The following CLCA2 variants were observed in gnomAD, a reference collection of about 807,000 sequenced individuals.
The protein encoded by CLCA2 is chloride channel accessory 2.
In CLCA2, 85 loss-of-function variants were observed where a neutral mutation model predicts 82.9. That is an observed-to-expected ratio of 1.03 (90% CI 0.86 to 1.23). The LOEUF (loss-of-function observed/expected upper bound fraction) is 1.23, where lower values mean the gene tolerates loss of function less well. Ranked by LOEUF, CLCA2 falls within the 50% of genes most tolerant of loss-of-function variation. The probability of loss-of-function intolerance (pLI) is 0.00; values close to 1 mark genes in which losing one functional copy is unlikely to be tolerated. For synonymous variants in CLCA2, 421 were observed against 391.7 expected (o/e 1.07, Z -0.88); for missense variants, 1,089 against 1,124.8 (o/e 0.97, Z 0.45).
chr1:86,428,384 G>C (rs1345946011), intron 2 of CLCA2, 34 bp from the exon 3 acceptor site: 1 of 1,560,244 alleles, frequency 6.4e-7, no homozygotes, highest in African/African-American at 1.4e-5. Context: ...CAACAGAGCT[G>C]AGAAAGTATT....
At chr1:86,425,311 A>C (rs758809611) in intron 1 of CLCA2, 28 bp from the exon 2 acceptor site, 1 of 1,511,346 alleles carries the variant, frequency 6.6e-7, no homozygotes, top group Non-Finnish European at 8.9e-7. Flanking sequence ...CAAGTGGTAA[A>C]GTAAGTTTTT....
At chr1:86,437,003 C>T (rs1317355774) in intron 6 of CLCA2, among the ~76,000 whole-genome samples, 1 of 152,206 alleles carries the variant, frequency 6.6e-6, no homozygotes, top group Non-Finnish European at 1.5e-5. Context: ...CATGAGCCAA[C>T]ATTCCCAGTG....
chr1:86,427,914 T>G (rs1010513938), intron 2 of CLCA2, among the ~76,000 whole-genome samples: 4 of 152,120 alleles, frequency 2.6e-5, no homozygotes, highest in African/African-American at 7.2e-5. Flanking sequence ...AGGACAAATT[T>G]TCAAAGAAAT....
chr1:86,441,227 A>G (rs922191420), intron 8 of CLCA2, among the ~76,000 whole-genome samples: 1 of 152,158 alleles, frequency 6.6e-6, no homozygotes, highest in African/African-American at 2.4e-5. Context: ...CCCTGGCAAT[A>G]CAGTCATGAA....
rs1309746807 is a variant in CLCA2, at chr1:86,455,497, C to T, written c.2802C>T (p.Asp934=). The change falls in exon 14 of 14, where the codon GAC becomes GAT. Residue 934 remains aspartate, a synonymous_variant. Transcript: ENST00000370565. ...HHTLSRKKRA[D]KKENGTKLL is the part of the protein sequence containing the mutation. ...CTTTAAGCAGGAAAAAGAGAGCAGA[C>T]AAGAAAGAGAATGGAACAAAATTAT... 2.0e-6 allele frequency: 3 copies of T among 1,489,570 alleles called. No individual in the cohort carries two copies. The African/African-American group carries it at 4.2e-5, about 21-fold the overall frequency. 92.3% of individuals were successfully genotyped at this position (1,489,570 alleles called of 1,614,324 possible).
chr1:86,454,847 C>A (rs1663040643), intron 13 of CLCA2, among the ~76,000 whole-genome samples: 1 of 149,862 alleles, frequency 6.7e-6, no homozygotes. Flanking sequence ...TACAAAATAA[C>A]TTAGGAAAAA....
At chr1:86,453,109 G>T (rs1663007449) in intron 12 of CLCA2, among the ~76,000 whole-genome samples, 1 of 152,084 alleles carries the variant, frequency 6.6e-6, no homozygotes, top group African/African-American at 2.4e-5. Context: ...GGAGGCGGAG[G>T]TTGCAGTGAG....
chr1:86,450,908 AG>A (rs1662950521), intron 12 of CLCA2, among the ~76,000 whole-genome samples, 175 bp downstream of exon 12: 2 of 152,210 alleles, frequency 1.3e-5, no homozygotes, highest in African/African-American at 4.8e-5. Flanking sequence ...GATTCATGGT[AG>A]GGGGGTAACA....
chr1:86,425,321 T>G lies in CLCA2; in HGVS notation c.187-18T>G. The G allele has an allele frequency of 6.5e-7, 1 of 1,531,428 alleles. No homozygotes were observed. The highest frequency in any genetic ancestry group is 1.4e-5 in the African/African-American group (1 of 71,572). The allele number at this position is 1,531,428 out of a possible 1,614,324, so 94.9% of individuals were successfully genotyped here. A position where few individuals can be genotyped will look rare whatever the true frequency, so the allele number is the denominator to read the frequency against. On this transcript the variant is annotated intron_variant, in intron 1 of 13. Coordinates refer to ENST00000370565, the MANE Select transcript of CLCA2 (RefSeq NM_006536.7). ...ATTTACAAGTGGTAAAGTAAGTTTT[T>G]CTTTTGTCTGGCTGTAGGAAATGAT...
rs972984872 is a variant in CLCA2, at chr1:86,455,681, A to C, written c.*154A>C. ...AAGATTTTTACATGGTAGATCAACAAATTCTTTTTGGGGGTAGATTAGAAA... is the reference window on the plus strand; with the variant it reads ...AAGATTTTTACATGGTAGATCAACACATTCTTTTTGGGGGTAGATTAGAAA... On this transcript the variant is annotated 3_prime_UTR_variant, in exon 14 of 14. Coordinates refer to ENST00000370565, the MANE Select transcript of CLCA2 (RefSeq NM_006536.7). 6.0e-5 allele frequency: 26 copies of C among 430,744 alleles called. No homozygotes were observed. Among genetic ancestry groups the C allele is most frequent in the Non-Finnish European group, 9.7e-5 (25 of 257,458 alleles). The allele number at this position is 430,744 out of a possible 1,614,324, so 26.7% of individuals were successfully genotyped here.
chr1:86,434,637 C>G lies in CLCA2; in HGVS notation c.864C>G (p.Ser288Arg), dbSNP rs1044243849. ...CAGACTCTGCTGACTTTCACCACAG[C>G]TTTCCCATGAATGGGACTGAGCTTC... ...VITDSADFHH[S>R]FPMNGTELPP... The change falls in exon 6 of 14, where the codon AGC becomes AGG. Residue 288 changes from serine (S) to arginine (R), a missense_variant. By Grantham distance (110) the Ser-to-Arg change is moderately radical. Coordinates refer to ENST00000370565, the MANE Select transcript of CLCA2 (RefSeq NM_006536.7). The G allele has an allele frequency of 3.1e-6, 5 of 1,614,114 alleles. No homozygotes were observed. The highest frequency in any genetic ancestry group is 4.2e-6 in the Non-Finnish European group (5 of 1,179,976).
rs1173082197 is a variant in CLCA2 at position 86,456,135 on chromosome 1, T to C, written c.*608T>C. 1 of 152,240 alleles carries C rather than the reference T, an allele frequency of 6.6e-6. No individual in the cohort carries two copies. The highest frequency in any genetic ancestry group is 1.5e-5 in the Non-Finnish European group (1 of 68,044). The allele number at this position is 152,240 out of a possible 1,614,324, so 9.4% of individuals were successfully genotyped here. A position where few individuals can be genotyped will look rare whatever the true frequency, so the allele number is the denominator to read the frequency against. ...CCTTTGTCTCTTCATACCGGTTTTA[T>C]GACAAAGGTCTATTGAATTTATTTG... On this transcript the variant is annotated 3_prime_UTR_variant, in exon 14 of 14. Coordinates refer to ENST00000370565, the MANE Select transcript of CLCA2 (RefSeq NM_006536.7).
In CLCA2 at chr1:86,443,802, G is replaced by GT; in HGVS notation, c.1504_1505insT (p.Glu502ValfsTer17). The GT allele has an allele frequency of 1.2e-6, 2 of 1,613,650 alleles. No individual in the cohort carries two copies. Among genetic ancestry groups the GT allele is most frequent in the South Asian group, 2.2e-5 (2 of 91,040 alleles). ...TCTTTAACAGCTTGAAAGTACAGGT[G>GT]AAAATGTCAAACCTCACCATCAATT... is the stretch of plus-strand genomic sequence containing the variant. On this transcript the variant is annotated frameshift_variant, in exon 10 of 14. Transcript: ENST00000370565. LOFTEE classifies it high-confidence loss of function.
chr1:86,440,348 T>C (rs752016716), intron 8 of CLCA2, 23 bp downstream of exon 8: 2 of 1,603,540 alleles, frequency 1.2e-6, no homozygotes, highest in Non-Finnish European at 1.7e-6. Flanking sequence ...TAAAAACTTA[T>C]CTTTTGGAGC....
intron 10 of CLCA2, among the ~76,000 whole-genome samples, chr1:86,446,216 CTTT>C (rs3086658): frequency 0.1 from 10,936 of 108,294 alleles, 374 homozygotes; most frequent in Middle Eastern, 0.18. Context: ...GCTGTGGGAA[CTTT>C]TTTTTTTTTT....
Position 86,430,930 on chromosome 1 carries a change from C to T in CLCA2, c.544C>T (p.Pro182Ser), listed in dbSNP as rs1250019677. The change falls in exon 4 of 14, where the codon CCT becomes TCT. Residue 182 changes from proline (P) to serine (S), a missense_variant. By Grantham distance (74) the Pro-to-Ser change is moderately conservative (BLOSUM62 -1). Coordinates refer to ENST00000370565, the MANE Select transcript of CLCA2 (RefSeq NM_006536.7). ...GVFDEYNNDK[P>S]FYINGQNQIK... is the part of the protein sequence containing the mutation. ...GTTCGATGAGTATAACAATGACAAA[C>T]CTTTCTACATAAATGGGCAAAATCA... is the stretch of plus-strand genomic sequence containing the variant. The T allele has an allele frequency of 1.9e-6, 3 of 1,613,190 alleles. No homozygotes were observed. The highest frequency in any genetic ancestry group is 2.7e-5 in the African/African-American group (2 of 74,992).
In CLCA2 at chr1:86,439,084, C is replaced by T; in HGVS notation, c.1181C>T (p.Ser394Leu). Residue 394 changes from serine to leucine, a missense_variant, in exon 7 of 14, where the codon TCA becomes TTA. Coordinates refer to ENST00000370565, the MANE Select transcript of CLCA2 (RefSeq NM_006536.7). ...GCTAAAACAGACATCAGCATTTGTT[C>T]AGGGCTTAAGAAAGGATTTGAGGTA... The part of the protein sequence containing the change: ...VSAKTDISIC[S>L]GLKKGFEVVE... 2 of 1,614,040 alleles carry T rather than the reference C, an allele frequency of 1.2e-6. No homozygotes were observed. Among genetic ancestry groups the T allele is most frequent in the Non-Finnish European group, 1.7e-6 (2 of 1,179,946 alleles).
intron 7 of CLCA2, 24 bp from the exon 8 acceptor site, chr1:86,440,124 A>G (rs1662694333): frequency 6.2e-7 from 1 of 1,608,534 alleles, no homozygotes; most frequent in Admixed American, 1.7e-5. Flanking sequence ...ACTTCCTTCC[A>G]AGTGACTAAT....
chr1:86,453,716 T>C, intron 13 of CLCA2, 114 bp downstream of exon 13: 1 of 917,038 alleles, frequency 1.1e-6, no homozygotes, highest in Non-Finnish European at 1.6e-6. Flanking sequence ...AAGCTCTGAG[T>C]TGCTGATCAG....
Sources: gnomAD v4.1 joint callset for allele counts (sites outside exome capture counted in the v4.1 genomes callset) on GRCh38, gnomAD v4.1.1 for gene constraint, MANE v1.5 for transcripts, NCBI Gene and HGNC (gene_info 2026-07-23, HGNC 2026-07-21) for gene names.